EXOC2: variants seen among roughly 807,000 people sequenced by gnomAD.
EXOC2 encodes SEC5-like 1.
A neutral mutation model predicts 131.8 loss-of-function variants in EXOC2; 70 were observed. The observed-to-expected ratio is 0.53, with a 90% CI of 0.44 to 0.65. The LOEUF (loss-of-function observed/expected upper bound fraction) is 0.65. Among genes scored for constraint, EXOC2 ranks in the 30% least tolerant of loss-of-function variants. EXOC2 has a pLI of 0.00. For missense variants in EXOC2, 923 were observed against 1,108.6 expected (o/e 0.83, Z 2.38); for synonymous variants, 411 against 398.4 (o/e 1.03, Z -0.38).
intron 1 of EXOC2, among the ~76,000 whole-genome samples, chr6:647,095 T>TG (rs764430934): frequency 2.0e-5 from 3 of 152,320 alleles, no homozygotes; most frequent in South Asian, 4.1e-4. Context: ...AAAATTAGGC[T>TG]CCACTGAGTG....
chr6:583,877 G>T (rs887725881), intron 11 of EXOC2, among the ~76,000 whole-genome samples: 10 of 152,206 alleles, frequency 6.6e-5, no homozygotes, highest in African/African-American at 2.4e-4. Flanking sequence ...GAGCTGCAGG[G>T]AGGGCAAGAT....
At chr6:555,058 T>C (rs1369352546) in intron 20 of EXOC2, among the ~76,000 whole-genome samples, 169 bp downstream of exon 20, 1 of 152,176 alleles carries the variant, frequency 6.6e-6, no homozygotes, top group Non-Finnish European at 1.5e-5. Context: ...GTTGAAAAGA[T>C]AAACTATGGA....
intron 11 of EXOC2, among the ~76,000 whole-genome samples, chr6:585,925 A>G (rs1019810836): frequency 6.6e-6 from 1 of 152,258 alleles, no homozygotes; most frequent in Non-Finnish European, 1.5e-5. Flanking sequence ...TACAGATATT[A>G]TAATAAAGGA....
chr6:594,922 G>C (rs1766833), intron 10 of EXOC2, among the ~76,000 whole-genome samples: 14,173 of 91,676 alleles, frequency 0.15, 1,158 homozygotes, highest in Middle Eastern at 0.28. Context: ...TGCATATTAA[G>C]AACACTTTAA....
chr6:541,762 T>C (rs529116082), intron 22 of EXOC2, among the ~76,000 whole-genome samples: 1 of 152,226 alleles, frequency 6.6e-6, no homozygotes, highest in East Asian at 1.9e-4. Flanking sequence ...TGGATGGTTC[T>C]ATAACCATTA....
chr6:491,518 C>A (rs1763434130), intron 25 of EXOC2, among the ~76,000 whole-genome samples: 1 of 152,254 alleles, frequency 6.6e-6, no homozygotes, highest in African/African-American at 2.4e-5. Flanking sequence ...TTTAGTCTTG[C>A]AAGAGGAAAG....
At chr6:649,647 C>A (rs1452208494) in intron 1 of EXOC2, among the ~76,000 whole-genome samples, 1 of 152,182 alleles carries the variant, frequency 6.6e-6, no homozygotes, top group Non-Finnish European at 1.5e-5. Context: ...TGGAAAGAGA[C>A]ACTTGTCTGA....
chr6:519,023 G>C (rs6935343), intron 23 of EXOC2, among the ~76,000 whole-genome samples: 20,686 of 150,866 alleles, frequency 0.14, 1,562 homozygotes, highest in African/African-American at 0.18. Flanking sequence ...AGTACTCAAT[G>C]ACAAGGACAC....
Position 532,520 on chromosome 6 carries a change from G to A in EXOC2, c.2329C>T (p.Pro777Ser). ...TCAAAATATCCTGCATAAATTCCAGGTTCTAAGGAGCCAACGATGGGATCT... is the reference window on the plus strand; with the variant it reads ...TCAAAATATCCTGCATAAATTCCAGATTCTAAGGAGCCAACGATGGGATCT... ...KADPIVGSLE[P>S]GIYAGYFDWK... Residue 777 changes from proline to serine, a missense_variant, in exon 23 of 28, where the codon CCT becomes TCT. Coordinates refer to ENST00000230449, the MANE Select transcript of EXOC2 (RefSeq NM_018303.6). 1 of 1,608,036 alleles carries A rather than the reference G, an allele frequency of 6.2e-7. No individual in the cohort carries two copies. The highest frequency in any genetic ancestry group is 8.5e-7 in the Non-Finnish European group (1 of 1,178,126).
intron 1 of EXOC2, among the ~76,000 whole-genome samples, chr6:684,453 A>G (rs1764552353): frequency 6.6e-6 from 1 of 152,246 alleles, no homozygotes; most frequent in Non-Finnish European, 1.5e-5. Flanking sequence ...TACTATTACA[A>G]AAGCATTTCA....
At chr6:598,522 GTC>G (rs1759946432) in intron 9 of EXOC2, among the ~76,000 whole-genome samples, 1 of 152,184 alleles carries the variant, frequency 6.6e-6, no homozygotes, top group Admixed American at 6.5e-5. Context: ...CAGTCTATGG[GTC>G]TCTCTGAAGA....
chr6:592,601 T>C lies in EXOC2; in HGVS notation c.1074-14A>G, dbSNP rs749280654. On this transcript the variant is annotated splice_polypyrimidine_tract_variant and intron_variant, in intron 10 of 27. Transcript: ENST00000230449. Reference sequence around the variant, plus strand: ...TCAGACAGGTACCTGAAAAAGCAAGTCCAAGGTTGAGGCCAAAGGGAAATG... The same window carrying C: ...TCAGACAGGTACCTGAAAAAGCAAGCCCAAGGTTGAGGCCAAAGGGAAATG... 1.2e-6 allele frequency: 2 copies of C among 1,601,948 alleles called. No individual in the cohort carries two copies. Among genetic ancestry groups the C allele is most frequent in the Non-Finnish European group, 1.7e-6 (2 of 1,170,978 alleles).
At chr6:643,099 A>G (rs962054451) in intron 1 of EXOC2, among the ~76,000 whole-genome samples, 1 of 152,244 alleles carries the variant, frequency 6.6e-6, no homozygotes, top group Non-Finnish European at 1.5e-5. Flanking sequence ...CACCTAATAC[A>G]AGAGCTTCAA....
intron 17 of EXOC2, among the ~76,000 whole-genome samples, 169 bp from the exon 18 acceptor site, chr6:556,733 CAT>C (rs1464773376): frequency 3.9e-5 from 6 of 152,298 alleles, no homozygotes; most frequent in Admixed American, 2.0e-4. Context: ...AGAGGTTTGG[CAT>C]ATGTTTTGTA....
intron 1 of EXOC2, chr6:689,216 T>C (rs1215045506): frequency 2.6e-5 from 4 of 152,060 alleles, no homozygotes; most frequent in African/African-American, 4.8e-5. Flanking sequence ...AGATTTACTG[T>C]GGAAAATATT....
chr6:495,827 T>C (rs1033175839), intron 25 of EXOC2, among the ~76,000 whole-genome samples: 3 of 152,210 alleles, frequency 2.0e-5, no homozygotes, highest in African/African-American at 7.2e-5. Context: ...TCTTACACTT[T>C]TGAAAATCTA....
chr6:497,245 ACTT>A lies in EXOC2; in HGVS notation c.2559+119_2559+121del, dbSNP rs1204105101. 3.0e-5 allele frequency: 25 copies of A among 832,314 alleles called. No individual in the cohort carries two copies. The East Asian group carries it at 5.4e-4, about 18-fold the overall frequency. 51.6% of individuals were successfully genotyped at this position (832,314 alleles called of 1,614,324 possible). A position where few individuals can be genotyped will look rare whatever the true frequency, so the allele number is the denominator to read the frequency against. ...ATGGCTTATGCAAGAAAGAATATGA[ACTT>A]CTTCAATCAGTAGATCCATTAAAAG... On this transcript the variant is annotated intron_variant, in intron 25 of 27. Coordinates refer to ENST00000230449, the MANE Select transcript of EXOC2 (RefSeq NM_018303.6).
At chr6:550,936 C>T (rs994214554) in intron 21 of EXOC2, among the ~76,000 whole-genome samples, 1 of 152,180 alleles carries the variant, frequency 6.6e-6, no homozygotes, top group Non-Finnish European at 1.5e-5. Context: ...CTTTGTTTTT[C>T]TCACTGTAAT....
chr6:507,553 A>G (rs1471655229), intron 23 of EXOC2, among the ~76,000 whole-genome samples: 1 of 152,162 alleles, frequency 6.6e-6, no homozygotes, highest in Non-Finnish European at 1.5e-5. Context: ...CTTACATGAG[A>G]AAGAGAGGGC....
Sources: gnomAD v4.1 joint callset for allele counts (sites outside exome capture counted in the v4.1 genomes callset) on GRCh38, gnomAD v4.1.1 for gene constraint, MANE v1.5 for transcripts, NCBI Gene and HGNC (gene_info 2026-07-23, HGNC 2026-07-21) for gene names.